Variants in TDRD12 observed in about 807,000 individuals in gnomAD.
TDRD12 encodes the protein tudor domain containing 12.
Under a neutral mutation model 133.5 loss-of-function variants are expected in TDRD12, and 158 were observed. The ratio of observed to expected loss-of-function variants is 1.18; its 90% confidence interval spans 1.04 to 1.35. The LOEUF is 1.35. Among genes scored for constraint, TDRD12 ranks in the 40% most tolerant of loss-of-function variants. TDRD12 has a pLI of 0.00. For synonymous variants in TDRD12, 460 were observed against 477.9 expected, an observed-to-expected ratio of 0.96 and a Z score of 0.49; for missense variants, 1,443 against 1,321.3, an observed-to-expected ratio of 1.09 and a Z score of -1.43.
exon 1 of TDRD12, chr19:32,720,007 G>C: frequency 6.5e-7 from 1 of 1,536,222 alleles, no homozygotes; most frequent in Non-Finnish European, 8.8e-7. Context: ...GACGCAGCCA[G>C]CCTCACCCGC....
rs1298726789 is a variant in TDRD12, at chr19:32,738,892, T to C, written c.220T>C (p.Cys74Arg). 3.2e-6 allele frequency: 5 copies of C among 1,551,290 alleles called. No homozygotes were observed. In the Admixed American group the frequency reaches 5.9e-5, roughly 18 times the overall value. Residue 74 changes from cysteine to arginine, a missense_variant, in exon 3 of 28, where the codon TGC (cysteine) becomes CGC (arginine). Coordinates refer to ENST00000444215, the Ensembl canonical transcript of TDRD12. ...CTATTGTGAGGAGCTAAAGTGCTGG[T>C]GCAGGGCCATTGTCAAATCAATTAC...
intron 6 of TDRD12, among the ~76,000 whole-genome samples, chr19:32,754,527 A>G (rs1207806803): frequency 6.6e-6 from 1 of 151,274 alleles, no homozygotes; most frequent in African/African-American, 2.4e-5. Flanking sequence ...ATTTTTTTAA[A>G]CCTGAGAGAT....
At position 32,790,708 on chromosome 19, in the gene TDRD12, G is replaced by A. The variant is rs4805011; in HGVS notation, c.1182+117G>A. The A allele has an allele frequency of 3.2e-4, 495 of 1,550,158 alleles. 4 individuals are homozygous for A. In the Admixed American group the frequency reaches 7.3e-3, roughly 23 times the overall value. On this transcript the variant is annotated intron_variant, in intron 12 of 27. Coordinates refer to ENST00000444215, the Ensembl canonical transcript of TDRD12. ...TAGAAGAGAAACTCCTTAGATGGGG[G>A]ACTTAACCTGAAGACATCCTTTTAG...
intron 27 of TDRD12, among the ~76,000 whole-genome samples, chr19:32,819,994 C>T (rs1010961970): frequency 3.3e-5 from 5 of 152,084 alleles, no homozygotes; most frequent in African/African-American, 1.2e-4. Context: ...CTGGGGAAGG[C>T]TCTTGGTTTG....
At chr19:32,770,298 C>T (rs1970410267) in intron 8 of TDRD12, among the ~76,000 whole-genome samples, 3 of 152,156 alleles carry the variant, frequency 2.0e-5, no homozygotes, top group African/African-American at 7.2e-5. Context: ...TGAACCACCA[C>T]TCCTGGCCTC....
chr19:32,813,278 A>C (rs1967067035), intron 24 of TDRD12, among the ~76,000 whole-genome samples: 1 of 152,238 alleles, frequency 6.6e-6, no homozygotes, highest in South Asian at 2.1e-4. Flanking sequence ...GCTCCATTGC[A>C]GTGACGGCCT....
chr19:32,726,254 G>A (rs1599822307), intron 1 of TDRD12, among the ~76,000 whole-genome samples: 1 of 151,890 alleles, frequency 6.6e-6, no homozygotes. Flanking sequence ...CTAATTTTTT[G>A]TATTTTTAGT....
At chr19:32,762,101 T>C (rs1970167931) in intron 8 of TDRD12, among the ~76,000 whole-genome samples, 1 of 152,224 alleles carries the variant, frequency 6.6e-6, no homozygotes, top group Non-Finnish European at 1.5e-5. Flanking sequence ...TTTTTTTACA[T>C]GTGTCCTTTG....
intron 8 of TDRD12, among the ~76,000 whole-genome samples, chr19:32,767,150 C>T (rs1028416136): frequency 2.0e-5 from 3 of 147,504 alleles, no homozygotes; most frequent in African/African-American, 5.0e-5. Context: ...ATTTTTGAGA[C>T]GGAGTTTTGC....
At chr19:32,789,438 C>T (rs535390001) in intron 11 of TDRD12, among the ~76,000 whole-genome samples, 2 of 152,292 alleles carry the variant, frequency 1.3e-5, no homozygotes, top group South Asian at 2.1e-4. Context: ...TTCCTCCCTC[C>T]ACATCCTTTG....
At chr19:32,783,445 G>A (rs1046022212) in intron 11 of TDRD12, among the ~76,000 whole-genome samples, 1 of 152,026 alleles carries the variant, frequency 6.6e-6, no homozygotes, top group East Asian at 1.9e-4. Context: ...TTGGCTATGT[G>A]GGCTCATTTT....
intron 4 of TDRD12, among the ~76,000 whole-genome samples, chr19:32,746,918 G>A (rs1196799767): frequency 7.1e-6 from 1 of 141,666 alleles, no homozygotes; most frequent in Non-Finnish European, 1.5e-5. Flanking sequence ...GGGAGAGACT[G>A]GCTGATGTGG....
intron 2 of TDRD12, among the ~76,000 whole-genome samples, chr19:32,734,637 C>T (rs779526779): frequency 5.9e-5 from 9 of 151,930 alleles, no homozygotes; most frequent in South Asian, 2.1e-4. Context: ...CCTCCCAAAA[C>T]GCTGGGATTA....
rs1178940037 is a variant in TDRD12 at position 32,772,867 on chromosome 19, G to A, written c.963+17G>A. On this transcript the variant is annotated intron_variant, in intron 9 of 27. Coordinates refer to ENST00000444215, the Ensembl canonical transcript of TDRD12. ...ACAAATAAGGTTGTATTTTAAAAATGTTCTTTAAATACAAAGTTCATATAG... is the reference window on the plus strand; with the variant it reads ...ACAAATAAGGTTGTATTTTAAAAATATTCTTTAAATACAAAGTTCATATAG... The A allele has an allele frequency of 1.5e-6, 2 of 1,356,018 alleles. No individual in the cohort carries two copies. The highest frequency in any genetic ancestry group is 6.4e-5 in the Admixed American group (2 of 31,494). The allele number at this position is 1,356,018 out of a possible 1,614,324, so 84.0% of individuals were successfully genotyped here. A position where few individuals can be genotyped will look rare whatever the true frequency, so the allele number is the denominator to read the frequency against.
intron 21 of TDRD12, among the ~76,000 whole-genome samples, chr19:32,805,929 A>G (rs1251678391): frequency 6.6e-6 from 1 of 151,784 alleles, no homozygotes; most frequent in African/African-American, 2.4e-5. Flanking sequence ...ACGGGGTTTC[A>G]CCATGTTGGC....
At chr19:32,811,628 T>C (rs1052586758) in intron 24 of TDRD12, among the ~76,000 whole-genome samples, 3 of 152,166 alleles carry the variant, frequency 2.0e-5, no homozygotes, top group African/African-American at 7.2e-5. Flanking sequence ...CCACTGTCCT[T>C]GTGCTTACGG....
At chr19:32,810,321 G>T in intron 23 of TDRD12, 44 bp downstream of exon 23, 1 of 1,429,472 alleles carries the variant, frequency 7.0e-7, no homozygotes, top group South Asian at 1.5e-5. Context: ...TGAAGCATGA[G>T]GTAACTAAGT....
intron 2 of TDRD12, among the ~76,000 whole-genome samples, chr19:32,738,204 A>G (rs1292279264): frequency 1.3e-5 from 2 of 152,242 alleles, no homozygotes; most frequent in Non-Finnish European, 2.9e-5. Context: ...CCTGTTGGTC[A>G]GACACATGAT....
chr19:32,768,746 G>C (rs1970366022), intron 8 of TDRD12, among the ~76,000 whole-genome samples: 2 of 152,134 alleles, frequency 1.3e-5, no homozygotes, highest in African/African-American at 4.8e-5. Flanking sequence ...CTCAGCTCTT[G>C]AGCCCTGTTA....
Sources: allele counts gnomAD v4.1 joint callset (sites outside exome capture counted in the v4.1 genomes callset), GRCh38; gene constraint gnomAD v4.1.1; transcripts MANE v1.5; gene names NCBI Gene and HGNC (gene_info 2026-07-23, HGNC 2026-07-21).